The following MIPOL1 variants were observed in gnomAD, a reference collection of about 807,000 sequenced individuals.
The protein encoded by MIPOL1 is mirror-image polydactyly 1.
MIPOL1 carries 57 observed loss-of-function variants against 60.9 expected under a neutral mutation model. The ratio of observed to expected loss-of-function variants is 0.94; its 90% CI spans 0.76 to 1.17. MIPOL1 has a LOEUF of 1.17. Among genes scored for constraint, MIPOL1 ranks in the 50% most tolerant of loss-of-function variants. The pLI is 0.00. For synonymous variants in MIPOL1, 179 were observed against 168.8 expected (o/e 1.06, Z -0.47); for missense variants, 551 against 511.6 (o/e 1.08, Z -0.74).
chr14:37,272,500 A>C (rs1318643809), intron 6 of MIPOL1, among the ~76,000 whole-genome samples: 3 of 151,630 alleles, frequency 2.0e-5, no homozygotes, highest in Non-Finnish European at 4.4e-5. Context: ...ATATTTTCCC[A>C]TTTTATGTAT....
At chr14:37,363,531 A>G (rs1470986738) in intron 9 of MIPOL1, among the ~76,000 whole-genome samples, 2 of 152,146 alleles carry the variant, frequency 1.3e-5, no homozygotes, top group African/African-American at 4.8e-5. Context: ...ATCCACCTGT[A>G]TGAGGTGTCT....
At chr14:37,405,313 T>C (rs971835697) in intron 10 of MIPOL1, among the ~76,000 whole-genome samples, 3 of 152,164 alleles carry the variant, frequency 2.0e-5, no homozygotes, top group African/African-American at 7.2e-5. Flanking sequence ...CACATTCATA[T>C]ACAGAATTTT....
intron 12 of MIPOL1, among the ~76,000 whole-genome samples, chr14:37,542,503 C>T (rs945465516): frequency 6.6e-6 from 1 of 152,158 alleles, no homozygotes; most frequent in Admixed American, 6.5e-5. Context: ...ATACTACTGG[C>T]AGTACTTGAA....
At chr14:37,365,181 A>G (rs1296044450) in intron 9 of MIPOL1, among the ~76,000 whole-genome samples, 2 of 152,106 alleles carry the variant, frequency 1.3e-5, no homozygotes. Flanking sequence ...CTTCCATTCC[A>G]GTTTGGATGC....
intron 1 of MIPOL1, among the ~76,000 whole-genome samples, chr14:37,205,048 G>A (rs112298082): frequency 0.044 from 6,671 of 152,158 alleles, 338 homozygotes; most frequent in African/African-American, 0.12. Context: ...CTGCCCCAGA[G>A]ATTTGTCGAA....
At chr14:37,441,628 T>A (rs2094246365) in intron 11 of MIPOL1, among the ~76,000 whole-genome samples, 2 of 152,188 alleles carry the variant, frequency 1.3e-5, no homozygotes, top group South Asian at 2.1e-4. Flanking sequence ...CTGTTTTCGT[T>A]ACTATAGCCT....
In MIPOL1 at chr14:37,547,953, A is replaced by G. The variant is rs2095552354; in HGVS notation, c.*982A>G. On this transcript the variant is annotated 3_prime_UTR_variant, in exon 13 of 13. Transcript: ENST00000684589. The stretch of plus-strand genomic sequence containing the variant: ...GTTAAGGTTACCTGCTTTTTATTTT[A>G]TTCCAGAAATAAGATAGTTACAGCA... 2 of 152,198 alleles carry G rather than the reference A, an allele frequency of 1.3e-5. No individual in the cohort carries two copies. The highest frequency in any genetic ancestry group is 4.8e-5 in the African/African-American group (2 of 41,576). The allele number at this position is 152,198 out of a possible 1,614,324, so 9.4% of individuals were successfully genotyped here.
chr14:37,281,466 A>G (rs10150564), intron 6 of MIPOL1, among the ~76,000 whole-genome samples: 150,463 of 152,282 alleles, frequency 0.99, 74,357 homozygotes, highest in Middle Eastern at 1. Context: ...ATACAGTGGC[A>G]CGATCTCAGC....
intron 10 of MIPOL1, among the ~76,000 whole-genome samples, chr14:37,417,810 C>G (rs935778475): frequency 6.6e-6 from 1 of 152,080 alleles, no homozygotes; most frequent in African/African-American, 2.4e-5. Flanking sequence ...ATAACTATCA[C>G]ACATATTAAA....
At chr14:37,338,795 G>A (rs913345760) in intron 9 of MIPOL1, among the ~76,000 whole-genome samples, 4 of 152,124 alleles carry the variant, frequency 2.6e-5, no homozygotes, top group African/African-American at 7.2e-5. Flanking sequence ...ATCAGAAAAA[G>A]AGCCTTGACC....
intron 11 of MIPOL1, among the ~76,000 whole-genome samples, chr14:37,459,225 G>A (rs1249373204): frequency 6.6e-6 from 1 of 151,958 alleles, no homozygotes; most frequent in African/African-American, 2.4e-5. Flanking sequence ...TCAACAAAAT[G>A]AAGAGTTGGT....
chr14:37,451,401 C>T (rs1486250956), intron 11 of MIPOL1, among the ~76,000 whole-genome samples: 1 of 152,036 alleles, frequency 6.6e-6, no homozygotes, highest in Non-Finnish European at 1.5e-5. Context: ...TTAAAAATAA[C>T]TTTTTATTTC....
intron 9 of MIPOL1, among the ~76,000 whole-genome samples, chr14:37,357,591 TA>T (rs2091934849): frequency 6.6e-6 from 1 of 152,222 alleles, no homozygotes; most frequent in African/African-American, 2.4e-5. Context: ...TTGGTCTTTT[TA>T]AAAAAAATCA....
chr14:37,306,969 C>G (rs2086835727), intron 7 of MIPOL1, among the ~76,000 whole-genome samples: 3 of 151,686 alleles, frequency 2.0e-5, no homozygotes, highest in Admixed American at 2.0e-4. Context: ...CTATTTATGT[C>G]TAGAAATAGC....
At chr14:37,379,092 T>C (rs2092855533) in intron 10 of MIPOL1, among the ~76,000 whole-genome samples, 2 of 152,118 alleles carry the variant, frequency 1.3e-5, no homozygotes, top group South Asian at 4.1e-4. Flanking sequence ...CAAGATAGTA[T>C]GGTAATAGCA....
chr14:37,324,907 A>G (rs2088984868), intron 9 of MIPOL1, among the ~76,000 whole-genome samples: 1 of 152,102 alleles, frequency 6.6e-6, no homozygotes. Flanking sequence ...TGATCTATTT[A>G]TCTATCTTTA....
At chr14:37,499,313 G>A (rs981178782) in intron 11 of MIPOL1, among the ~76,000 whole-genome samples, 1 of 151,738 alleles carries the variant, frequency 6.6e-6, no homozygotes, top group Admixed American at 6.6e-5. Flanking sequence ...AGATGTATTC[G>A]TTAAGAGATT....
At position 37,366,512 on chromosome 14, in the gene MIPOL1, A is replaced by G. The variant is rs111450156; in HGVS notation, c.829-3005A>G. On this transcript the variant is annotated intron_variant, in intron 9 of 12. Transcript: ENST00000684589. Reference sequence around the variant, plus strand: ...TTTTCTTCTATTGTGGTTAGAGAAGATGTTTGATATTATTTCAGTTTTTTT... The same window carrying G: ...TTTTCTTCTATTGTGGTTAGAGAAGGTGTTTGATATTATTTCAGTTTTTTT... Among the ~76,000 whole-genome samples the G allele has an allele frequency of 2.4e-3, 363 of 151,998 alleles. 3 individuals are homozygous for G. Among genetic ancestry groups the G allele is most frequent in the African/African-American group, 8.1e-3 (337 of 41,488 alleles).
chr14:37,486,845 G>A (rs991811770), intron 11 of MIPOL1, among the ~76,000 whole-genome samples: 11 of 152,110 alleles, frequency 7.2e-5, no homozygotes, highest in African/African-American at 2.4e-4. Context: ...GTCCTGGCTA[G>A]AACTTCCAAT....
Sources: allele counts gnomAD v4.1 joint callset (sites outside exome capture counted in the v4.1 genomes callset), GRCh38; gene constraint gnomAD v4.1.1; transcripts MANE v1.5; gene names NCBI Gene and HGNC (gene_info 2026-07-23, HGNC 2026-07-21).